Variants in EP400 observed in about 807,000 individuals in gnomAD.
EP400 encodes E1A binding protein p400.
In EP400, 105 loss-of-function variants were observed where a neutral mutation model predicts 354.1. The observed-to-expected ratio is 0.30, with a 90% CI of 0.25 to 0.35. EP400 has a LOEUF of 0.35. Ranked by LOEUF, EP400 falls within the 10% of genes least tolerant of loss-of-function variation. The pLI, the probability that EP400 is intolerant of heterozygous loss-of-function variation, is 1.00. For missense variants in EP400, 3,280 were observed against 4,121.0 expected (o/e 0.80, Z 5.59); for synonymous variants, 1,646 against 1,716.9 (o/e 0.96, Z 1.02).
At chr12:131,971,271 T>A (rs1003016973) in intron 2 of EP400, among the ~76,000 whole-genome samples, 1 of 152,242 alleles carries the variant, frequency 6.6e-6, no homozygotes. Flanking sequence ...CTTATTTCAG[T>A]TAGCATTATG....
Position 131,982,424 on chromosome 12 carries a change from T to C in EP400, c.1875T>C (p.Val625=). 6.2e-7 allele frequency: 1 copy of C among 1,614,050 alleles called. No individual in the cohort carries two copies. Among genetic ancestry groups the C allele is most frequent in the Non-Finnish European group, 8.5e-7 (1 of 1,179,962 alleles). Reference sequence around the variant, plus strand: ...AGCCTGCACAGCTGGCCCTCCACGTTCCCACACCTGGAAAGGTGCAGGTGC... The same window carrying C: ...AGCCTGCACAGCTGGCCCTCCACGTCCCCACACCTGGAAAGGTGCAGGTGC... The part of the protein sequence containing the change: ...PSQPAQLALH[V]PTPGKVQVQA... Residue 625 remains valine, a synonymous_variant, in exon 5 of 53, where the codon GTT becomes GTC. Transcript: ENST00000389561.
At chr12:132,074,913 C>T (rs1896185922) in intron 51 of EP400, among the ~76,000 whole-genome samples, 1 of 152,106 alleles carries the variant, frequency 6.6e-6, no homozygotes, top group Non-Finnish European at 1.5e-5. Context: ...CTGAAATGTG[C>T]TGCATCTGCG....
chr12:131,970,752 G>A (rs1228089629), intron 2 of EP400, among the ~76,000 whole-genome samples: 3 of 152,146 alleles, frequency 2.0e-5, no homozygotes, highest in Non-Finnish European at 2.9e-5. Flanking sequence ...GATATAATTG[G>A]CAAATAAAAT....
At position 132,078,597 on chromosome 12, in the gene EP400, A is replaced by G. The variant is rs906153643; in HGVS notation, c.*924A>G. The G allele has an allele frequency of 6.6e-6, 1 of 152,294 alleles. No individual in the cohort carries two copies. Among genetic ancestry groups the G allele is most frequent in the African/African-American group, 2.4e-5 (1 of 41,484 alleles). The allele number at this position is 152,294 out of a possible 1,614,324, so 9.4% of individuals were successfully genotyped here. On this transcript the variant is annotated 3_prime_UTR_variant, in exon 53 of 53. Coordinates refer to ENST00000389561, the MANE Select transcript of EP400 (RefSeq NM_015409.5). Reference sequence around the variant, plus strand: ...TAGTACAGATGTCACAGCTGAGGGTACGATGAGGCCTGGGCTCAGTGAGCC... The same window carrying G: ...TAGTACAGATGTCACAGCTGAGGGTGCGATGAGGCCTGGGCTCAGTGAGCC...
intron 5 of EP400, 61 bp from the exon 6 acceptor site, chr12:131,986,453 C>T: frequency 6.6e-7 from 1 of 1,514,392 alleles, no homozygotes; most frequent in Non-Finnish European, 8.9e-7. Context: ...AGGTATTTGG[C>T]ACCGTGGGCT....
rs1893825485 is a variant in EP400 at position 132,013,354 on chromosome 12, C to G, written c.3612-136C>G. 8.6e-6 allele frequency: 12 copies of G among 1,391,670 alleles called. No homozygotes were observed. In the South Asian group the frequency reaches 1.3e-4, roughly 15 times the overall value. 86.2% of individuals were successfully genotyped at this position (1,391,670 alleles called of 1,614,324 possible). A position where few individuals can be genotyped will look rare whatever the true frequency, so the allele number is the denominator to read the frequency against. Reference sequence around the variant, plus strand: ...CCCAGAGCTGGGTCAGTGCAGCCCCCCTTTTCAGGCATGTGCACGTTGACA... The same window carrying G: ...CCCAGAGCTGGGTCAGTGCAGCCCCGCTTTTCAGGCATGTGCACGTTGACA... On this transcript the variant is annotated intron_variant, in intron 17 of 52. Transcript: ENST00000389561. This position sits in a 1 kb window ranked among gnomAD's most constrained non-coding sequence, Gnocchi z 4.5.
At chr12:132,020,242 T>C in intron 22 of EP400, 24 bp downstream of exon 22, 2 of 1,571,470 alleles carry the variant, frequency 1.3e-6, no homozygotes, top group Non-Finnish European at 1.7e-6. Flanking sequence ...AGTTGTCTGC[T>C]CTCCGCCTTA....
At chr12:131,963,702 T>C in intron 2 of EP400, 2 of 1,389,500 alleles carry the variant, frequency 1.4e-6, no homozygotes, top group South Asian at 1.2e-5. Flanking sequence ...ATCCAGATAT[T>C]TTAACCTTCG....
At chr12:131,960,510 T>C (rs1891842632) in intron 1 of EP400, 75 bp from the exon 2 acceptor site, 2 of 1,360,574 alleles carry the variant, frequency 1.5e-6, no homozygotes, top group African/African-American at 1.5e-5. Flanking sequence ...TCAAAGTGTC[T>C]TTTCAGTGCT....
chr12:131,983,261 A>C (rs894567659), intron 5 of EP400, among the ~76,000 whole-genome samples: 1 of 152,180 alleles, frequency 6.6e-6, no homozygotes, highest in African/African-American at 2.4e-5. Flanking sequence ...CACCCACCAG[A>C]CGTGCTCCCT....
At chr12:132,023,325 T>G (rs967113937) in intron 23 of EP400, among the ~76,000 whole-genome samples, 3 of 144,786 alleles carry the variant, frequency 2.1e-5, no homozygotes, top group Admixed American at 1.4e-4. Flanking sequence ...TTTTTTTTTT[T>G]TTGCATTTCT....
chr12:131,976,836 A>T (rs560503171), intron 2 of EP400, among the ~76,000 whole-genome samples: 4 of 152,328 alleles, frequency 2.6e-5, no homozygotes, highest in Admixed American at 2.0e-4. Context: ...GTTTTTGTGT[A>T]CATGGTTTAG....
Position 131,961,945 on chromosome 12 carries a change from C to G in EP400, c.1326C>G (p.Ile442Met). Residue 442 changes from isoleucine to methionine, a missense_variant, in exon 2 of 53, where the codon ATC becomes ATG. Coordinates refer to ENST00000389561, the MANE Select transcript of EP400 (RefSeq NM_015409.5). ...EEEEEEKSEV[I>M]NDEQQALAGS... ...AGGAGGAAGAAAAATCTGAGGTTAT[C>G]AATGACGAGGTAAGAAACAGGAGTT... 3 of 1,611,052 alleles carry G rather than the reference C, an allele frequency of 1.9e-6. No individual in the cohort carries two copies. The highest frequency in any genetic ancestry group is 2.5e-6 in the Non-Finnish European group (3 of 1,178,722).
At position 132,041,155 on chromosome 12, in the gene EP400, G is replaced by A. The variant is rs532998419; in HGVS notation, c.6208-2149G>A. On this transcript the variant is annotated intron_variant, in intron 32 of 52. Transcript: ENST00000389561. ...CCAGCGGAGACAGATCCACGTTAGC[G>A]TGCTGTACTCGTACCTGCCGCATGG... Among the ~76,000 whole-genome samples the A allele has an allele frequency of 5.3e-5, 8 of 152,326 alleles. No individual in the cohort carries two copies. In the South Asian group the frequency reaches 8.3e-4, roughly 16 times the overall value.
At chr12:132,077,141 A>G (rs1896261861) in intron 52 of EP400, among the ~76,000 whole-genome samples, 1 of 152,260 alleles carries the variant, frequency 6.6e-6, no homozygotes, top group Admixed American at 6.5e-5. Flanking sequence ...CTACAACAAC[A>G]AAATCAGTCC....
At chr12:131,988,375 C>T (rs908005162) in intron 7 of EP400, among the ~76,000 whole-genome samples, 4 of 152,182 alleles carry the variant, frequency 2.6e-5, no homozygotes, top group African/African-American at 7.2e-5. Flanking sequence ...CTTTGCCTGG[C>T]AGTTGGAGTT....
intron 12 of EP400, among the ~76,000 whole-genome samples, chr12:131,996,546 C>G (rs1893223970): frequency 2.6e-5 from 4 of 152,146 alleles, no homozygotes; most frequent in Admixed American, 2.6e-4. Context: ...CCGCCTCAGC[C>G]TCCCGAAGTG....
intron 2 of EP400, among the ~76,000 whole-genome samples, chr12:131,975,621 G>A (rs901536884): frequency 1.2e-4 from 18 of 151,786 alleles, no homozygotes; most frequent in South Asian, 4.2e-4. Context: ...GTGTGGTGGC[G>A]TTCTTTCGGC....
chr12:132,056,657 C>T (rs1252581926), intron 45 of EP400, among the ~76,000 whole-genome samples: 2 of 152,166 alleles, frequency 1.3e-5, no homozygotes, highest in Admixed American at 6.5e-5. Flanking sequence ...AGTAGCATTT[C>T]TAGGAGAAAA....
Sources: allele counts gnomAD v4.1 joint callset (sites outside exome capture counted in the v4.1 genomes callset), GRCh38; gene constraint gnomAD v4.1.1; non-coding constraint Gnocchi (gnomAD v3.1); transcripts MANE v1.5; gene names NCBI Gene and HGNC (gene_info 2026-07-23, HGNC 2026-07-21).